Variants in CPEB1 observed in about 807,000 individuals in gnomAD.
The protein encoded by CPEB1 is cytoplasmic polyadenylation element-binding protein 1.
CPEB1 carries 7 observed loss-of-function variants against 65.8 expected under a neutral mutation model. The observed-to-expected ratio is 0.11, with a 90% CI of 0.06 to 0.20. The LOEUF is 0.20. CPEB1 is among the 10% of genes least tolerant of loss of function. CPEB1 has a pLI of 1.00. For synonymous variants in CPEB1, 262 were observed against 260.0 expected (o/e 1.01, Z -0.08); for missense variants, 551 against 712.2 (o/e 0.77, Z 2.58).
intron 1 of CPEB1, among the ~76,000 whole-genome samples, chr15:82,631,539 A>G (rs2046245869): frequency 6.6e-6 from 1 of 152,246 alleles, no homozygotes; most frequent in Non-Finnish European, 1.5e-5. Flanking sequence ...ATTAATGCAC[A>G]TAAAGTACTT....
chr15:82,613,809 C>T (rs1219368304), intron 3 of CPEB1, among the ~76,000 whole-genome samples: 1 of 152,136 alleles, frequency 6.6e-6, no homozygotes, highest in Admixed American at 6.5e-5. Flanking sequence ...AAGCTCCCCC[C>T]GGGGAGAGAG....
intron 3 of CPEB1, 44 bp downstream of exon 3, chr15:82,627,149 C>G (rs2151317785): frequency 1.3e-6 from 2 of 1,531,932 alleles, no homozygotes; most frequent in Middle Eastern, 3.5e-4. Context: ...AGAAGCAGAT[C>G]TGTACAGATG....
At chr15:82,560,645 A>G (rs10163167) in intron 4 of CPEB1, among the ~76,000 whole-genome samples, 25,641 of 152,062 alleles carry the variant, frequency 0.17, 2,271 homozygotes, top group East Asian at 0.33. Flanking sequence ...CTCTTACCTC[A>G]GCCTCACAAA....
At chr15:82,559,097 C>T (rs1481966644) in intron 4 of CPEB1, among the ~76,000 whole-genome samples, 2 of 152,262 alleles carry the variant, frequency 1.3e-5, no homozygotes, top group East Asian at 3.9e-4. Context: ...AAACACAGGT[C>T]ACCCAGAGCT....
At chr15:82,558,040 C>T in intron 4 of CPEB1, 54 bp from the exon 5 acceptor site, 1 of 1,300,092 alleles carries the variant, frequency 7.7e-7, no homozygotes, top group Non-Finnish European at 1.1e-6. Context: ...TTGCAGCCAA[C>T]AGCCTCTTTC....
At chr15:82,593,995 G>C (rs1438808770) in intron 3 of CPEB1, among the ~76,000 whole-genome samples, 1 of 152,184 alleles carries the variant, frequency 6.6e-6, no homozygotes, top group African/African-American at 2.4e-5. Flanking sequence ...ATAGAGCACA[G>C]GCAGAGTAGA....
chr15:82,584,246 G>A (rs534403039), intron 3 of CPEB1, among the ~76,000 whole-genome samples: 4 of 111,590 alleles, frequency 3.6e-5, no homozygotes, highest in African/African-American at 1.5e-4. Context: ...GTGACACAGC[G>A]AGACTCCGTC....
chr15:82,586,887 T>A (rs893623767), intron 3 of CPEB1, among the ~76,000 whole-genome samples: 3 of 152,212 alleles, frequency 2.0e-5, no homozygotes. Context: ...TAAGCCTGAC[T>A]TATAGCATTT....
At chr15:82,642,915 T>C (rs1454573332) in intron 1 of CPEB1, among the ~76,000 whole-genome samples, 2 of 152,190 alleles carry the variant, frequency 1.3e-5, no homozygotes, top group East Asian at 3.8e-4. Flanking sequence ...TGCATTTCTG[T>C]CTCAAACTGT....
chr15:82,633,090 T>G (rs2046390993), intron 1 of CPEB1: 1 of 152,124 alleles, frequency 6.6e-6, no homozygotes, highest in Admixed American at 6.6e-5. Context: ...ACTTGTAGCT[T>G]TTTTTTGACC....
chr15:82,589,007 T>C (rs1278716604), intron 3 of CPEB1, among the ~76,000 whole-genome samples: 1 of 152,106 alleles, frequency 6.6e-6, no homozygotes, highest in Non-Finnish European at 1.5e-5. Flanking sequence ...GACTCCTCTC[T>C]CCCCCATTCC....
At chr15:82,647,967 G>A (rs1476320957), upstream of CPEB1, 13 of 963,364 alleles carry the variant, frequency 1.3e-5, no homozygotes, top group Admixed American at 1.3e-4. Flanking sequence ...AGCGGGCCGC[G>A]CGCAGCCCCG....
intron 3 of CPEB1, among the ~76,000 whole-genome samples, chr15:82,622,908 C>T (rs371207680): frequency 6.6e-6 from 1 of 152,192 alleles, no homozygotes; most frequent in Non-Finnish European, 1.5e-5. Flanking sequence ...AATGCTACCC[C>T]CCTCCTTATG....
intron 1 of CPEB1, chr15:82,630,122 G>C (rs1424844596): frequency 1.0e-6 from 1 of 984,966 alleles, no homozygotes; most frequent in African/African-American, 1.7e-5. Flanking sequence ...AACCTGCAGA[G>C]AGGAGGTCTC....
intron 3 of CPEB1, among the ~76,000 whole-genome samples, chr15:82,622,997 C>T (rs921328060): frequency 6.6e-6 from 1 of 152,086 alleles, no homozygotes; most frequent in African/African-American, 2.4e-5. Context: ...TTTGGTAAGC[C>T]CTGGCGGGAG....
chr15:82,609,770 A>G (rs1294246072), intron 3 of CPEB1, among the ~76,000 whole-genome samples: 1 of 151,988 alleles, frequency 6.6e-6, no homozygotes, highest in African/African-American at 2.4e-5. Context: ...AAGAATATAA[A>G]TTACTATGGG....
At chr15:82,614,879 G>GTATATATA (rs201830435) in intron 3 of CPEB1, among the ~76,000 whole-genome samples, 7 of 113,314 alleles carry the variant, frequency 6.2e-5, no homozygotes, top group Middle Eastern at 4.5e-3. Context: ...GTGTGTGTGT[G>GTATATATA]TATATATATA....
chr15:82,629,349 ATTAAG>A (rs2046040928), intron 1 of CPEB1: 1 of 985,000 alleles, frequency 1.0e-6, no homozygotes, highest in Non-Finnish European at 1.2e-6. Flanking sequence ...ACCCAAACTG[ATTAAG>A]TTATACAACT....
At chr15:82,607,687 C>A (rs980712254) in intron 3 of CPEB1, among the ~76,000 whole-genome samples, 1 of 151,956 alleles carries the variant, frequency 6.6e-6, no homozygotes, top group African/African-American at 2.4e-5. Context: ...AATAACTGTG[C>A]CTATTACCAG....
Sources: allele counts gnomAD v4.1 joint callset (sites outside exome capture counted in the v4.1 genomes callset), GRCh38; gene constraint gnomAD v4.1.1; transcripts MANE v1.5; gene names NCBI Gene and HGNC (gene_info 2026-07-23, HGNC 2026-07-21).